The following AGBL1 variants were observed in gnomAD, a reference collection of about 807,000 sequenced individuals.
The protein encoded by AGBL1 is AGBL carboxypeptidase 1.
AGBL1 carries 130 observed loss-of-function variants against 118.9 expected under a neutral mutation model. That is an observed-to-expected ratio of 1.09 (90% confidence interval 0.95 to 1.26). AGBL1 has a LOEUF of 1.26. AGBL1 is among the 50% of genes most tolerant of loss of function. The probability of loss-of-function intolerance (pLI) is 0.00; values close to 1 mark genes in which losing one functional copy is unlikely to be tolerated. For synonymous variants in AGBL1, 555 were observed against 478.9 expected, an observed-to-expected ratio of 1.16 and a Z score of -2.08; for missense variants, 1,584 against 1,298.1, an observed-to-expected ratio of 1.22 and a Z score of -3.38.
At chr15:86,841,672 C>T (rs903887841) in intron 22 of AGBL1, among the ~76,000 whole-genome samples, 5 of 151,976 alleles carry the variant, frequency 3.3e-5, no homozygotes, top group African/African-American at 9.7e-5. Flanking sequence ...ATGGAAAAAA[C>T]CCTGTCTCTA....
intron 16 of AGBL1, among the ~76,000 whole-genome samples, chr15:86,282,317 G>A (rs2079368085): frequency 1.3e-5 from 2 of 152,066 alleles, no homozygotes; most frequent in African/African-American, 4.8e-5. Context: ...ATGCTTATTG[G>A]CTTGTTACTG....
chr15:86,941,817 C>T (rs1396697631), intron 23 of AGBL1, among the ~76,000 whole-genome samples: 1 of 152,218 alleles, frequency 6.6e-6, no homozygotes. Flanking sequence ...ACCATGCACA[C>T]TACAGGAGCA....
chr15:86,587,698 TCAGAAGA>T (rs1171317909), intron 21 of AGBL1, among the ~76,000 whole-genome samples: 8 of 152,128 alleles, frequency 5.3e-5, no homozygotes, highest in Non-Finnish European at 1.5e-5. Context: ...TTAGAGAAAC[TCAGAAGA>T]CAGAAAAAAT....
chr15:86,125,945 G>T (rs182601827), intron 1 of AGBL1, among the ~76,000 whole-genome samples: 3 of 152,162 alleles, frequency 2.0e-5, no homozygotes, highest in Non-Finnish European at 4.4e-5. Context: ...TCCTCTTTAT[G>T]GGTTATGTGA....
At chr15:86,670,736 GA>G (rs1310105921) in intron 21 of AGBL1, among the ~76,000 whole-genome samples, 1 of 151,220 alleles carries the variant, frequency 6.6e-6, no homozygotes, top group African/African-American at 2.4e-5. Flanking sequence ...GCAGAGTGTA[GA>G]AGGCATTTTT....
chr15:86,984,303 G>A (rs923530891), intron 23 of AGBL1, among the ~76,000 whole-genome samples: 1 of 150,794 alleles, frequency 6.6e-6, no homozygotes, highest in African/African-American at 2.4e-5. Flanking sequence ...TCTTGGAAAT[G>A]TGTCTATTGA....
At chr15:86,297,687 T>C (rs539435478) in intron 17 of AGBL1, among the ~76,000 whole-genome samples, 1 of 152,322 alleles carries the variant, frequency 6.6e-6, no homozygotes, top group Non-Finnish European at 1.5e-5. Flanking sequence ...ATGGATTATG[T>C]AGCTGATTGG....
intron 22 of AGBL1, among the ~76,000 whole-genome samples, chr15:86,822,134 A>C (rs2078950522): frequency 6.6e-6 from 1 of 152,130 alleles, no homozygotes; most frequent in African/African-American, 2.4e-5. Context: ...AAAAAATGGA[A>C]GTTCGTGAGT....
intron 21 of AGBL1, among the ~76,000 whole-genome samples, 195 bp downstream of exon 21, chr15:86,554,732 C>A (rs920480254): frequency 1.3e-5 from 2 of 152,182 alleles, no homozygotes; most frequent in African/African-American, 4.8e-5. Flanking sequence ...GGAAGCAATG[C>A]GTGCATGCTT....
intron 22 of AGBL1, among the ~76,000 whole-genome samples, chr15:86,731,257 C>A (rs936996451): frequency 6.6e-6 from 1 of 152,042 alleles, no homozygotes; most frequent in Non-Finnish European, 1.5e-5. Context: ...TTACATTGAC[C>A]ATCCTAGAAA....
chr15:86,674,525 G>T lies in AGBL1; in HGVS notation c.3158+89G>T, dbSNP rs548420231. The T allele has an allele frequency of 1.6e-4, 209 of 1,339,912 alleles. No homozygotes were observed. The African/African-American group carries it at 2.9e-3, about 19-fold the overall frequency. The allele number at this position is 1,339,912 out of a possible 1,614,324, so 83.0% of individuals were successfully genotyped here. On this transcript the variant is annotated intron_variant, in intron 22 of 22. Coordinates refer to ENST00000614907, the MANE Select transcript of AGBL1 (RefSeq NM_001386094.1). ...GTAATGAAAGTCGAGTGGACCTAGGGGTCTTTACACAGAGAAAATATGGAA... is the reference window on the plus strand; with the variant it reads ...GTAATGAAAGTCGAGTGGACCTAGGTGTCTTTACACAGAGAAAATATGGAA...
At chr15:86,661,374 CT>C (rs560644320) in intron 21 of AGBL1, among the ~76,000 whole-genome samples, 7 of 151,998 alleles carry the variant, frequency 4.6e-5, no homozygotes, top group East Asian at 1.9e-4. Context: ...TCAGACCATG[CT>C]TTTTTTCCCA....
chr15:86,716,666 G>A (rs1209428621), intron 22 of AGBL1, among the ~76,000 whole-genome samples: 1 of 152,176 alleles, frequency 6.6e-6, no homozygotes, highest in African/African-American at 2.4e-5. Context: ...CTACACCTGA[G>A]ACAATTAAGA....
intron 22 of AGBL1, among the ~76,000 whole-genome samples, chr15:86,749,013 G>T (rs1255426946): frequency 6.6e-6 from 1 of 152,080 alleles, no homozygotes; most frequent in Non-Finnish European, 1.5e-5. Flanking sequence ...GGTTCCATAT[G>T]AACTTTGAAG....
chr15:86,584,450 C>G (rs890864480), intron 21 of AGBL1, among the ~76,000 whole-genome samples: 1 of 152,214 alleles, frequency 6.6e-6, no homozygotes, highest in East Asian at 1.9e-4. Context: ...GGAGTACTTT[C>G]CCCATTGCTT....
chr15:86,157,423 C>A (rs2077207528), intron 4 of AGBL1, among the ~76,000 whole-genome samples: 1 of 152,126 alleles, frequency 6.6e-6, no homozygotes, highest in South Asian at 2.1e-4. Flanking sequence ...TTTCCTAAAG[C>A]ATAAATAGGC....
chr15:86,437,186 A>G (rs1332964230), intron 18 of AGBL1, among the ~76,000 whole-genome samples: 1 of 152,198 alleles, frequency 6.6e-6, no homozygotes, highest in East Asian at 1.9e-4. Flanking sequence ...GCTAAATAAG[A>G]AAGACTGAGA....
chr15:86,577,553 G>T (rs1323287057), intron 21 of AGBL1, among the ~76,000 whole-genome samples: 1 of 152,184 alleles, frequency 6.6e-6, no homozygotes, highest in Non-Finnish European at 1.5e-5. Flanking sequence ...TAATCCCCAA[G>T]ACAATGGGGA....
At chr15:86,793,011 TA>T (rs1041162059) in intron 22 of AGBL1, among the ~76,000 whole-genome samples, 2 of 151,944 alleles carry the variant, frequency 1.3e-5, no homozygotes, top group South Asian at 2.1e-4. Flanking sequence ...AGACCATAGT[TA>T]AAAAAAATAG....
Sources: gnomAD v4.1 joint callset for allele counts (sites outside exome capture counted in the v4.1 genomes callset) on GRCh38, gnomAD v4.1.1 for gene constraint, MANE v1.5 for transcripts, NCBI Gene and HGNC (gene_info 2026-07-23, HGNC 2026-07-21) for gene names.